The following APOBEC3F variants were observed in gnomAD, a reference collection of about 807,000 sequenced individuals.
APOBEC3F encodes DNA dC->dU-editing enzyme APOBEC-3F.
APOBEC3F carries 34 observed loss-of-function variants against 45.8 expected under a neutral mutation model. That is an observed-to-expected ratio of 0.74 (90% confidence interval 0.57 to 0.99). APOBEC3F has a LOEUF of 0.99. Ranked by LOEUF, APOBEC3F falls within the 50% of genes least tolerant of loss-of-function variation. The probability of loss-of-function intolerance (pLI) is 0.00; values close to 1 mark genes in which losing one functional copy is unlikely to be tolerated. For synonymous variants in APOBEC3F, 192 were observed against 174.4 expected, an observed-to-expected ratio of 1.10 and a Z score of -0.80; for missense variants, 459 against 474.1, an observed-to-expected ratio of 0.97 and a Z score of 0.30.
chr22:39,046,774 A>G (rs1257833847), intron 4 of APOBEC3F, among the ~76,000 whole-genome samples: 1 of 151,782 alleles, frequency 6.6e-6, no homozygotes, highest in Non-Finnish European at 1.5e-5. Context: ...ATGCCACCAC[A>G]CTGGCTAATT....
rs140033588 is a variant in APOBEC3F at position 39,052,120 on chromosome 22, G to A, written c.770G>A (p.Trp257Ter). 1.2e-6 allele frequency: 2 copies of A among 1,613,294 alleles called. No individual in the cohort carries two copies. The highest frequency in any genetic ancestry group is 2.7e-5 in the African/African-American group (2 of 74,886). ...CATGCAGAAAGGTGCTTCCTCTCTT[G>A]GTTCTGTGACGACATACTGTCTCCT... ...HCHAERCFLS[W>*]FCDDILSPNT... Residue 257 changes from tryptophan (W) to a stop codon, truncating the protein, a stop_gained, in exon 6 of 7, where the codon TGG (tryptophan) becomes TAG (stop). Transcript: ENST00000308521. LOFTEE classifies it high-confidence loss of function.
intron 4 of APOBEC3F, among the ~76,000 whole-genome samples, chr22:39,048,543 C>CCAGGCGCAGTGGT (rs1927330205): frequency 6.6e-6 from 1 of 152,150 alleles, no homozygotes; most frequent in Admixed American, 6.6e-5. Flanking sequence ...GCCGCGATGG[C>CCAGGCGCAGTGGT]TCACACCTGT....
Position 39,042,988 on chromosome 22 carries a change from T to C in APOBEC3F, c.69T>C (p.Asn23=), listed in dbSNP as rs1473006208. Residue 23 remains asparagine, a synonymous_variant, in exon 2 of 7, where the codon AAT becomes AAC. Transcript: ENST00000308521. ...YRDTFSYNFY[N]RPILSRRNTV... is the part of the protein sequence containing the mutation. ...ACACATTCTCCTACAACTTTTATAATAGACCCATCCTTTCTCGTCGGAATA... is the reference window on the plus strand; with the variant it reads ...ACACATTCTCCTACAACTTTTATAACAGACCCATCCTTTCTCGTCGGAATA... 5 of 1,614,182 alleles carry C rather than the reference T, an allele frequency of 3.1e-6. No homozygotes were observed. Among genetic ancestry groups the C allele is most frequent in the African/African-American group, 2.7e-5 (2 of 75,060 alleles).
rs759425554 is a variant in APOBEC3F at position 39,052,667 on chromosome 22, A to G, written c.1094A>G (p.Asp365Gly). 1 of 1,614,040 alleles carries G rather than the reference A, an allele frequency of 6.2e-7. No homozygotes were observed. ...KGLKYNFLFL[D>G]SKLQEILE ...CTAAAATACAACTTTCTATTCCTGG[A>G]CAGCAAGCTGCAGGAGATTCTCGAG... is the stretch of plus-strand genomic sequence containing the variant. Residue 365 changes from aspartate to glycine, a missense_variant, in exon 7 of 7, where the codon GAC (aspartate) becomes GGC (glycine). Physicochemically the swap from Asp to Gly is moderately conservative, Grantham distance 94. Transcript: ENST00000308521.
intron 1 of APOBEC3F, among the ~76,000 whole-genome samples, chr22:39,042,597 C>T (rs935144280): frequency 6.6e-6 from 1 of 152,152 alleles, no homozygotes; most frequent in African/African-American, 2.4e-5. Context: ...CAGGCATGAG[C>T]CATAATGTCC....
rs566854869 is a variant in APOBEC3F at position 39,045,214 on chromosome 22, G to C, written c.445G>C (p.Asp149His). The C allele has an allele frequency of 1.2e-6, 2 of 1,613,090 alleles. No homozygotes were observed. Among genetic ancestry groups the C allele is most frequent in the Non-Finnish European group, 1.7e-6 (2 of 1,179,830 alleles). ...AGGGGCCCGCGTGAAGATTATGGACGATGAAGGTGAGAGGTGGAGGGGTCA... is the reference window on the plus strand; with the variant it reads ...AGGGGCCCGCGTGAAGATTATGGACCATGAAGGTGAGAGGTGGAGGGGTCA... ...QAGARVKIMDDEEFAYCWENF... is the reference protein window; with the variant it reads ...QAGARVKIMDHEEFAYCWENF... Residue 149 changes from aspartate to histidine, a missense_variant, in exon 3 of 7, where the codon GAT (aspartate) becomes CAT (histidine). Transcript: ENST00000308521.
Position 39,045,427 on chromosome 22 carries a change from G to A in APOBEC3F, c.452-1G>A. The A allele has an allele frequency of 1.2e-6, 2 of 1,614,160 alleles. No homozygotes were observed. The highest frequency in any genetic ancestry group is 1.7e-6 in the Non-Finnish European group (2 of 1,180,000). On this transcript the variant is annotated splice_acceptor_variant, in intron 3 of 6. Coordinates refer to ENST00000308521, the MANE Select transcript of APOBEC3F (RefSeq NM_145298.6). LOFTEE classifies it high-confidence loss of function. ...GACTGCTTCCTGCCTCTTCGTCTCAGAATTTGCATACTGCTGGGAAAACTT... is the reference window on the plus strand; with the variant it reads ...GACTGCTTCCTGCCTCTTCGTCTCAAAATTTGCATACTGCTGGGAAAACTT...
intron 4 of APOBEC3F, 130 bp from the exon 5 acceptor site, chr22:39,049,295 T>C: frequency 2.6e-6 from 3 of 1,154,868 alleles, no homozygotes; most frequent in Non-Finnish European, 3.7e-6. Flanking sequence ...CCTCTTTCTC[T>C]CTCCCAGTCT....
At chr22:39,052,375 G>A (rs377123590) in intron 6 of APOBEC3F, 22 bp downstream of exon 6, 2 of 1,612,750 alleles carry the variant, frequency 1.2e-6, no homozygotes, top group Middle Eastern at 1.7e-4. Context: ...GGGGGCTGAG[G>A]AGAGTGGGTG....
rs1184268532 is a variant in APOBEC3F, at chr22:39,053,904, T to C, written c.*1209T>C. ...AGCTTCTGCAATAAATGGCTGTAAG[T>C]CTTGGACTCCTTGCTATAATCGCAG... On this transcript the variant is annotated 3_prime_UTR_variant, in exon 7 of 7. Coordinates refer to ENST00000308521, the MANE Select transcript of APOBEC3F (RefSeq NM_145298.6). The C allele has an allele frequency of 6.6e-6, 1 of 152,226 alleles. No homozygotes were observed. Among genetic ancestry groups the C allele is most frequent in the Non-Finnish European group, 1.5e-5 (1 of 68,056 alleles). The allele number at this position is 152,226 out of a possible 1,614,324, so 9.4% of individuals were successfully genotyped here.
chr22:39,044,015 A>C, intron 2 of APOBEC3F: 1 of 1,476,232 alleles, frequency 6.8e-7, no homozygotes, highest in South Asian at 1.4e-5. Context: ...ACAAGAGTGA[A>C]ACTACGTCTC....
At chr22:39,049,699 CTTTTTT>C in intron 5 of APOBEC3F, 118 bp downstream of exon 5, 177 of 826,224 alleles carry the variant, frequency 2.1e-4, no homozygotes, top group Middle Eastern at 4.2e-4. Context: ...TCTTACATTT[CTTTTTT>C]TTTTTTTTTT....
chr22:39,051,803 A>C (rs566389979), intron 5 of APOBEC3F, among the ~76,000 whole-genome samples: 34 of 152,142 alleles, frequency 2.2e-4, no homozygotes, highest in African/African-American at 8.2e-4. Context: ...ATTACAAAAA[A>C]ATTAGGCAGG....
chr22:39,043,977 A>G (rs1216242648), intron 2 of APOBEC3F: 3 of 1,415,382 alleles, frequency 2.1e-6, no homozygotes, highest in Non-Finnish European at 1.9e-6. Flanking sequence ...GTGAGCCGAG[A>G]TTGCATCATT....
At chr22:39,046,060 T>G (rs1250929641) in intron 4 of APOBEC3F, among the ~76,000 whole-genome samples, 2 of 151,990 alleles carry the variant, frequency 1.3e-5, no homozygotes, top group African/African-American at 4.8e-5. Flanking sequence ...AAGTCCAAGG[T>G]GGAGGGGTGG....
At chr22:39,047,852 A>C (rs910831064) in intron 4 of APOBEC3F, among the ~76,000 whole-genome samples, 1 of 152,140 alleles carries the variant, frequency 6.6e-6, no homozygotes, top group Non-Finnish European at 1.5e-5. Flanking sequence ...AAATTGAACC[A>C]AAGGATGATT....
At chr22:39,043,761 GTAA>G (rs1569068952) in intron 2 of APOBEC3F, among the ~76,000 whole-genome samples, 1 of 151,360 alleles carries the variant, frequency 6.6e-6, no homozygotes, top group African/African-American at 2.4e-5. Flanking sequence ...GCTCGCGCCT[GTAA>G]TCCCAGCACT....
In APOBEC3F at chr22:39,049,509, G is replaced by T; in HGVS notation, c.651G>T (p.Trp217Cys). 1 of 1,614,000 alleles carries T rather than the reference G, an allele frequency of 6.2e-7. No homozygotes were observed. Among genetic ancestry groups the T allele is most frequent in the Non-Finnish European group, 8.5e-7 (1 of 1,180,004 alleles). Residue 217 changes from tryptophan to cysteine, a missense_variant, in exon 5 of 7, where the codon TGG becomes TGT. Physicochemically the swap from Trp to Cys is radical, Grantham distance 215 (BLOSUM62 -2). Coordinates refer to ENST00000308521, the MANE Select transcript of APOBEC3F (RefSeq NM_145298.6). Reference protein sequence around the residue: ...LRKAYGRNESWLCFTMEVVKH... With the variant: ...LRKAYGRNESCLCFTMEVVKH... ...AAGCCTATGGTCGGAACGAAAGCTGGCTGTGCTTCACCATGGAAGTTGTAA... is the reference window on the plus strand; with the variant it reads ...AAGCCTATGGTCGGAACGAAAGCTGTCTGTGCTTCACCATGGAAGTTGTAA...
At chr22:39,049,668 G>A in intron 5 of APOBEC3F, 87 bp downstream of exon 5, 1 of 1,484,086 alleles carries the variant, frequency 6.7e-7, no homozygotes, top group Non-Finnish European at 9.1e-7. Context: ...CCTGGCGTGG[G>A]CTTTCCTGTG....
Sources: allele counts gnomAD v4.1 joint callset (sites outside exome capture counted in the v4.1 genomes callset), GRCh38; gene constraint gnomAD v4.1.1; transcripts MANE v1.5; gene names NCBI Gene and HGNC (gene_info 2026-07-23, HGNC 2026-07-21).